The following COL23A1 variants were observed in gnomAD, a reference collection of about 807,000 sequenced individuals.
COL23A1 encodes the protein collagen alpha-1(XXIII) chain.
In COL23A1, 97 loss-of-function variants were observed where a neutral mutation model predicts 99.3. The observed-to-expected ratio is 0.98, with a 90% CI of 0.83 to 1.16. The LOEUF (loss-of-function observed/expected upper bound fraction) is 1.16, where lower values mean the gene tolerates loss of function less well. Among genes scored for constraint, COL23A1 ranks in the 50% most tolerant of loss-of-function variants. The probability of loss-of-function intolerance (pLI) is 0.00; values close to 1 mark genes in which losing one functional copy is unlikely to be tolerated. For synonymous variants in COL23A1, 320 were observed against 308.2 expected (o/e 1.04, Z -0.40); for missense variants, 762 against 757.4 (o/e 1.01, Z -0.07).
intron 2 of COL23A1, among the ~76,000 whole-genome samples, chr5:178,435,157 A>T (rs1766488620): frequency 6.6e-6 from 1 of 152,336 alleles, no homozygotes; most frequent in Middle Eastern, 3.4e-3. Flanking sequence ...CTAATAAAGT[A>T]ACCTTTCTGT....
intron 1 of COL23A1, chr5:178,561,925 G>A: frequency 2.9e-6 from 1 of 344,972 alleles, no homozygotes; most frequent in South Asian, 2.4e-5. Context: ...CACCGGAAAG[G>A]CGCTTCACAG....
intron 2 of COL23A1, among the ~76,000 whole-genome samples, chr5:178,385,356 C>G (rs958509324): frequency 6.6e-6 from 1 of 152,202 alleles, no homozygotes; most frequent in Admixed American, 6.5e-5. Context: ...TATCAAACAC[C>G]ACCCCCACAG....
Position 178,404,259 on chromosome 5 carries a change from A to T in COL23A1, c.362-97340T>A, listed in dbSNP as rs78225614. On this transcript the variant is annotated intron_variant, in intron 2 of 28. Transcript: ENST00000390654. Reference sequence around the variant, plus strand: ...TGGCCACACCTTAGTAATGTGCTCAATCGCAATCACTGCCACCATCATTCA... The same window carrying T: ...TGGCCACACCTTAGTAATGTGCTCATTCGCAATCACTGCCACCATCATTCA... Among the ~76,000 whole-genome samples the T allele has an allele frequency of 5.1e-3, 780 of 152,312 alleles. 2 individuals are homozygous for T. Among genetic ancestry groups the T allele is most frequent in the African/African-American group, 0.018 (751 of 41,566 alleles).
rs1248520747 is a variant in COL23A1, at chr5:178,384,273, G to A, written c.362-77354C>T. Among the ~76,000 whole-genome samples, 1 of 152,252 alleles carries A rather than the reference G, an allele frequency of 6.6e-6. No individual in the cohort carries two copies. On this transcript the variant is annotated intron_variant, in intron 2 of 28. Transcript: ENST00000390654. This position sits in a 1 kb window ranked among gnomAD's most constrained non-coding sequence, Gnocchi z 5.5. ...TGCACGCAGCTCCCCGCCCAGGGCA[G>A]TTCTCAAAACCTGGATCCGGCGACG... is the stretch of plus-strand genomic sequence containing the variant.
chr5:178,515,136 G>A (rs1759433305), intron 2 of COL23A1, among the ~76,000 whole-genome samples: 1 of 152,214 alleles, frequency 6.6e-6, no homozygotes, highest in Admixed American at 6.5e-5. Flanking sequence ...GGGGAGGAGG[G>A]CACTGTGCCA....
intron 2 of COL23A1, among the ~76,000 whole-genome samples, chr5:178,530,553 C>G (rs1181012034): frequency 6.6e-6 from 1 of 152,218 alleles, no homozygotes; most frequent in Non-Finnish European, 1.5e-5. Flanking sequence ...CACAGTGATA[C>G]TGCATGGCTT....
chr5:178,358,212 TATGTGTGTCTA>T (rs1455307281), intron 2 of COL23A1, among the ~76,000 whole-genome samples: 4 of 111,826 alleles, frequency 3.6e-5, no homozygotes, highest in Admixed American at 8.0e-5. Context: ...TGTACGTGTG[TATGTGTGTCTA>T]ATGTGTGTAT....
intron 2 of COL23A1, among the ~76,000 whole-genome samples, chr5:178,382,212 G>C (rs1171799869): frequency 5.3e-5 from 8 of 152,112 alleles, no homozygotes; most frequent in African/African-American, 1.9e-4. Flanking sequence ...AAGAGTGGTG[G>C]GGGCACAGAG....
Position 178,313,110 on chromosome 5 carries a change from G to A in COL23A1, c.362-6191C>T, listed in dbSNP as rs1758792946. 6.6e-6 allele frequency among the ~76,000 whole-genome samples: 1 copy of A among 152,164 alleles called. No homozygotes were observed. Among genetic ancestry groups the A allele is most frequent in the Non-Finnish European group, 1.5e-5 (1 of 68,040 alleles). ...CAGACACAGAAAGACAAATACGGAA[G>A]GATTCCACTTCTGGAGGCTCCTGCA... On this transcript the variant is annotated intron_variant, in intron 2 of 28. Coordinates refer to ENST00000390654, the MANE Select transcript of COL23A1 (RefSeq NM_173465.4). The surrounding 1 kb of genome is among the most constrained non-coding windows in gnomAD (Gnocchi z 4.2).
intron 12 of COL23A1, among the ~76,000 whole-genome samples, chr5:178,258,394 G>GTTTTT (rs59750946): frequency 5.5e-5 from 6 of 109,056 alleles, no homozygotes; most frequent in Non-Finnish European, 9.5e-5. Flanking sequence ...GATGGGAGAG[G>GTTTTT]TTTTTTTTTT....
intron 2 of COL23A1, among the ~76,000 whole-genome samples, chr5:178,407,022 G>A (rs10062593): frequency 0.058 from 8,864 of 152,234 alleles, 628 homozygotes; most frequent in African/African-American, 0.17. Flanking sequence ...CCTGGGGCCT[G>A]AGAAAGGACA....
intron 1 of COL23A1, among the ~76,000 whole-genome samples, chr5:178,575,459 G>A (rs1020504153): frequency 3.3e-5 from 5 of 152,118 alleles, no homozygotes; most frequent in Admixed American, 2.0e-4. Context: ...TTAATTTGCC[G>A]TTCACAACAC....
intron 2 of COL23A1, among the ~76,000 whole-genome samples, chr5:178,380,778 C>G (rs1763339274): frequency 6.6e-6 from 1 of 152,168 alleles, no homozygotes. Flanking sequence ...AGAGAAAAGG[C>G]AGGGACTTCA....
chr5:178,514,016 T>C (rs535815694), intron 2 of COL23A1, among the ~76,000 whole-genome samples: 27 of 152,262 alleles, frequency 1.8e-4, no homozygotes, highest in Non-Finnish European at 5.9e-5. Context: ...ACAGAACTTC[T>C]TCATGTTGCA....
chr5:178,245,855 T>C lies in COL23A1; in HGVS notation c.1440+87A>G, dbSNP rs571139268. On this transcript the variant is annotated intron_variant, in intron 25 of 28. Coordinates refer to ENST00000390654, the MANE Select transcript of COL23A1 (RefSeq NM_173465.4). ...CCAGCCCTGGGGAAAGGGGTCACACTTGAGTAGCCAGATCAGGTTACTGCA... is the reference window on the plus strand; with the variant it reads ...CCAGCCCTGGGGAAAGGGGTCACACCTGAGTAGCCAGATCAGGTTACTGCA... 1.5e-4 allele frequency: 223 copies of C among 1,495,134 alleles called. 6 individuals carry two copies. The South Asian group carries it at 2.4e-3, about 16-fold the overall frequency. 92.6% of individuals were successfully genotyped at this position (1,495,134 alleles called of 1,614,324 possible). A position where few individuals can be genotyped will look rare whatever the true frequency, so the allele number is the denominator to read the frequency against.
At chr5:178,371,595 T>C (rs531541306) in intron 2 of COL23A1, among the ~76,000 whole-genome samples, 10 of 152,292 alleles carry the variant, frequency 6.6e-5, no homozygotes, top group Admixed American at 5.2e-4. Flanking sequence ...CACCAACCCC[T>C]GGGCCAAATG....
chr5:178,443,610 G>A (rs1020502749), intron 2 of COL23A1, among the ~76,000 whole-genome samples: 26 of 147,636 alleles, frequency 1.8e-4, no homozygotes, highest in African/African-American at 6.3e-4. Context: ...ACAGGCGCTC[G>A]CCACCATGCC....
At chr5:178,249,716 A>ACACACTCACTCACTCTCT in intron 18 of COL23A1, among the ~76,000 whole-genome samples, 1 of 92,752 alleles carries the variant, frequency 1.1e-5, no homozygotes, top group Non-Finnish European at 2.2e-5. Context: ...ACACACACAC[A>ACACACTCACTCACTCTCT]CTCTCTCTCT....
At chr5:178,239,284 C>A in intron 27 of COL23A1, 105 bp from the exon 28 acceptor site, 1 of 1,267,106 alleles carries the variant, frequency 7.9e-7, no homozygotes, top group Non-Finnish European at 1.2e-6. Context: ...CAGGGAGCGG[C>A]CATGTGAGAC....
Sources: allele counts gnomAD v4.1 joint callset (sites outside exome capture counted in the v4.1 genomes callset), GRCh38; gene constraint gnomAD v4.1.1; non-coding constraint Gnocchi (gnomAD v3.1); transcripts MANE v1.5; gene names NCBI Gene and HGNC (gene_info 2026-07-23, HGNC 2026-07-21).